KMT2C: variants seen among roughly 807,000 people sequenced by gnomAD.
The protein encoded by KMT2C is histone-lysine N-methyltransferase 2C.
In KMT2C, 88 loss-of-function variants were observed where a neutral mutation model predicts 507.9. That is an observed-to-expected ratio of 0.17 (90% CI 0.15 to 0.21). The LOEUF (loss-of-function observed/expected upper bound fraction) is 0.21, where lower values mean the gene tolerates loss of function less well. Among genes scored for constraint, KMT2C ranks in the 10% least tolerant of loss-of-function variants. KMT2C has a pLI of 1.00. For synonymous variants in KMT2C, 2,049 were observed against 2,080.8 expected (o/e 0.98, Z 0.42); for missense variants, 4,954 against 5,957.8 (o/e 0.83, Z 5.55).
At chr7:152,188,149 A>G (rs1422084252) in intron 31 of KMT2C, among the ~76,000 whole-genome samples, 1 of 152,200 alleles carries the variant, frequency 6.6e-6, no homozygotes, top group Non-Finnish European at 1.5e-5. Flanking sequence ...CTAAATCAAA[A>G]CCTTTAATGC....
intron 23 of KMT2C, among the ~76,000 whole-genome samples, chr7:152,208,637 T>C (rs2094369971): frequency 6.6e-6 from 1 of 152,194 alleles, no homozygotes; most frequent in Non-Finnish European, 1.5e-5. Context: ...GTAATCAAAC[T>C]TTTCCAAGTT....
At chr7:152,302,395 TG>T (rs1197217558) in intron 6 of KMT2C, among the ~76,000 whole-genome samples, 1 of 151,828 alleles carries the variant, frequency 6.6e-6, no homozygotes, top group Non-Finnish European at 1.5e-5. Flanking sequence ...AGCTAATTTT[TG>T]TATTTTTAGT....
intron 23 of KMT2C, among the ~76,000 whole-genome samples, chr7:152,219,004 C>G (rs2094677094): frequency 6.6e-6 from 1 of 151,020 alleles, no homozygotes; most frequent in Non-Finnish European, 1.5e-5. Flanking sequence ...GAGTCTTGCT[C>G]TGTCACCCAC....
intron 1 of KMT2C, among the ~76,000 whole-genome samples, chr7:152,392,544 T>C (rs527437858): frequency 4.7e-4 from 72 of 152,330 alleles, no homozygotes; most frequent in Middle Eastern, 3.4e-3. Context: ...TTAAAGGCAC[T>C]GTGCTCAGCA....
chr7:152,399,696 T>G (rs1016099458), intron 1 of KMT2C, among the ~76,000 whole-genome samples: 4 of 150,756 alleles, frequency 2.7e-5, no homozygotes, highest in African/African-American at 9.8e-5. Flanking sequence ...ACAACAAAAA[T>G]TACAATAGAG....
At chr7:152,141,472 G>A (rs946849449) in intron 55 of KMT2C, among the ~76,000 whole-genome samples, 52 of 151,770 alleles carry the variant, frequency 3.4e-4, no homozygotes, top group South Asian at 6.2e-4. Context: ...CACTTTGGGA[G>A]GCAGAGGTGG....
intron 20 of KMT2C, among the ~76,000 whole-genome samples, chr7:152,223,632 A>T (rs1563468147): frequency 6.6e-6 from 1 of 151,998 alleles, no homozygotes; most frequent in Non-Finnish European, 1.5e-5. Context: ...TGTCTCTACT[A>T]AAAATACAAA....
chr7:152,188,620 TTTTTG>T (rs899122027), intron 31 of KMT2C, among the ~76,000 whole-genome samples: 3 of 133,338 alleles, frequency 2.2e-5, no homozygotes, highest in African/African-American at 3.3e-5. Context: ...TTTTTTTTTT[TTTTTG>T]TTTTTGAGAT....
chr7:152,160,615 A>T (rs1034711249), intron 43 of KMT2C, among the ~76,000 whole-genome samples: 8 of 145,458 alleles, frequency 5.5e-5, no homozygotes, highest in African/African-American at 1.0e-4. Context: ...AAAATTAATT[A>T]TATATATATA....
intron 1 of KMT2C, among the ~76,000 whole-genome samples, chr7:152,372,762 T>C (rs779866286): frequency 6.6e-6 from 1 of 152,166 alleles, no homozygotes; most frequent in Admixed American, 6.5e-5. Flanking sequence ...AATACCGTAA[T>C]AGTGGGGAAC....
chr7:152,290,347 G>C (rs112741185), intron 6 of KMT2C, among the ~76,000 whole-genome samples: 15 of 111,778 alleles, frequency 1.3e-4, no homozygotes, highest in African/African-American at 5.0e-4. Context: ...GTCTCACTCT[G>C]TCACCCACGC....
Position 152,262,996 on chromosome 7 carries a change from T to A in KMT2C, c.1299+20A>T, listed in dbSNP as rs780563198. ...AAAACATAGAGAGGATTTAAAAAAA[T>A]AAATAAATAAACAACTTACTTTGCA... On this transcript the variant is annotated intron_variant, in intron 9 of 58. Transcript: ENST00000262189. 24 of 1,561,810 alleles carry A rather than the reference T, an allele frequency of 1.5e-5. No homozygotes were observed. Among genetic ancestry groups the A allele is most frequent in the Non-Finnish European group, 1.9e-5 (22 of 1,143,026 alleles).
At chr7:152,216,061 C>G (rs1267731164) in intron 23 of KMT2C, among the ~76,000 whole-genome samples, 3 of 152,172 alleles carry the variant, frequency 2.0e-5, no homozygotes, top group Admixed American at 6.5e-5. Context: ...TCCATTCAGT[C>G]TGCCCCACCT....
At chr7:152,206,156 T>G (rs1336886821) in intron 24 of KMT2C, among the ~76,000 whole-genome samples, 1 of 152,204 alleles carries the variant, frequency 6.6e-6, no homozygotes. Flanking sequence ...ATAAGTGAAG[T>G]GCTTAGAATA....
chr7:152,316,461 T>C (rs2096724028), intron 3 of KMT2C, among the ~76,000 whole-genome samples: 1 of 152,150 alleles, frequency 6.6e-6, no homozygotes, highest in South Asian at 2.1e-4. Context: ...TATACATATA[T>C]AGAATATACA....
intron 16 of KMT2C, among the ~76,000 whole-genome samples, chr7:152,235,467 T>C (rs543524811): frequency 7.2e-5 from 11 of 152,132 alleles, no homozygotes; most frequent in Admixed American, 2.6e-4. Context: ...AGTTAGCAAA[T>C]ATATTTGCAA....
chr7:152,140,318 T>C (rs915183445), intron 55 of KMT2C, among the ~76,000 whole-genome samples: 9 of 152,196 alleles, frequency 5.9e-5, no homozygotes, highest in African/African-American at 2.2e-4. Context: ...ATATCAGGAA[T>C]GTTGGAAACA....
chr7:152,162,659 T>G lies in KMT2C; in HGVS notation c.10918A>C (p.Thr3640Pro). ...GTGCTCACTGCAGGAGTAGAGGTAG[T>G]TTCTGAGATGCCTGGAGTCGGTGGG... is the stretch of plus-strand genomic sequence containing the variant. ...TAPPTPGISE[T>P]TSTPAVSTPS... is the part of the protein sequence containing the mutation. The change falls in exon 43 of 59, where the codon ACT (threonine) becomes CCT (proline). Residue 3640 changes from threonine to proline, a missense_variant. By Grantham distance (38) the Thr-to-Pro change is conservative. This residue lies in a region of KMT2C where 801 missense variants were observed against 751.2 expected (regional missense o/e 1.07). Coordinates refer to ENST00000262189, the MANE Select transcript of KMT2C (RefSeq NM_170606.3). 6.2e-7 allele frequency: 1 copy of G among 1,614,226 alleles called. No individual in the cohort carries two copies. Among genetic ancestry groups the G allele is most frequent in the Middle Eastern group, 1.6e-4 (1 of 6,062 alleles).
chr7:152,321,768 A>G (rs2096774902), intron 3 of KMT2C, among the ~76,000 whole-genome samples: 2 of 152,010 alleles, frequency 1.3e-5, no homozygotes, highest in Non-Finnish European at 2.9e-5. Context: ...GAAATTTAAG[A>G]AAACATCAAG....
Sources: gnomAD v4.1 joint callset for allele counts (sites outside exome capture counted in the v4.1 genomes callset) on GRCh38, gnomAD v4.1.1 for gene constraint, gnomAD v4.1.1 regional missense constraint, MANE v1.5 for transcripts, NCBI Gene and HGNC (gene_info 2026-07-23, HGNC 2026-07-21) for gene names.